FRMD4A: variants seen among roughly 807,000 people sequenced by gnomAD.
FRMD4A encodes FERM domain-containing protein 4A.
A neutral mutation model predicts 129.1 loss-of-function variants in FRMD4A; 29 were observed. The observed-to-expected ratio is 0.22, with a 90% CI of 0.17 to 0.31. The LOEUF is 0.31. Ranked by LOEUF, FRMD4A falls within the 10% of genes least tolerant of loss-of-function variation. The pLI, the probability that FRMD4A is intolerant of heterozygous loss-of-function variation, is 1.00. For missense variants in FRMD4A, 1,272 were observed against 1,375.8 expected (o/e 0.92, Z 1.19); for synonymous variants, 634 against 571.6 (o/e 1.11, Z -1.56).
chr10:13,996,888 G>C (rs926147811), intron 2 of FRMD4A, among the ~76,000 whole-genome samples: 11 of 152,160 alleles, frequency 7.2e-5, no homozygotes, highest in African/African-American at 2.7e-4. Flanking sequence ...TTGATGGCTG[G>C]CTCCAGCCTA....
At chr10:14,001,334 T>C (rs1185442290) in intron 2 of FRMD4A, among the ~76,000 whole-genome samples, 1 of 152,170 alleles carries the variant, frequency 6.6e-6, no homozygotes, top group East Asian at 1.9e-4. Flanking sequence ...TGGTGAGGCA[T>C]GACGAGGGGA....
At chr10:13,764,113 C>T (rs1292504669) in intron 6 of FRMD4A, among the ~76,000 whole-genome samples, 4 of 151,932 alleles carry the variant, frequency 2.6e-5, no homozygotes, top group African/African-American at 9.7e-5. Context: ...TGAGTTTGGA[C>T]AGATGCATAC....
intron 2 of FRMD4A, among the ~76,000 whole-genome samples, chr10:14,301,411 TA>T (rs1846182240): frequency 6.6e-6 from 1 of 152,204 alleles, no homozygotes; most frequent in Non-Finnish European, 1.5e-5. Flanking sequence ...ACTGTCCCCT[TA>T]AACTCTCACA....
intron 1 of FRMD4A, 122 bp from the exon 2 acceptor site, chr10:14,330,305 AG>A: frequency 2.1e-6 from 1 of 471,026 alleles, no homozygotes; most frequent in South Asian, 3.2e-5. Context: ...GTGCTTAGGG[AG>A]GAAAAAAAAA....
At chr10:13,981,180 T>C (rs1491000421) in intron 2 of FRMD4A, among the ~76,000 whole-genome samples, 3 of 152,142 alleles carry the variant, frequency 2.0e-5, no homozygotes, top group Non-Finnish European at 4.4e-5. Context: ...ATGGTAGATA[T>C]GGGTTATGAT....
At chr10:13,696,742 A>G (rs1564632768) in intron 14 of FRMD4A, among the ~76,000 whole-genome samples, 1 of 151,684 alleles carries the variant, frequency 6.6e-6, no homozygotes, top group Non-Finnish European at 1.5e-5. Flanking sequence ...CTAGAGTGAG[A>G]CTGTCTAAAA....
intron 3 of FRMD4A, among the ~76,000 whole-genome samples, chr10:13,853,945 A>G (rs1179563976): frequency 6.6e-6 from 1 of 152,068 alleles, no homozygotes; most frequent in Non-Finnish European, 1.5e-5. Context: ...TAGCAGTAGA[A>G]GGTCAGGTCG....
At chr10:13,826,556 A>G (rs2130923329) in intron 3 of FRMD4A, among the ~76,000 whole-genome samples, 1 of 152,270 alleles carries the variant, frequency 6.6e-6, no homozygotes, top group South Asian at 2.1e-4. Context: ...GCCCAGAGAC[A>G]TGGCACTGGC....
chr10:13,920,288 A>G (rs902607989), intron 2 of FRMD4A, among the ~76,000 whole-genome samples: 5 of 152,178 alleles, frequency 3.3e-5, no homozygotes, highest in African/African-American at 1.2e-4. Context: ...CTACTGACTC[A>G]ATGCTATCCT....
At chr10:14,161,854 C>T (rs181409655) in intron 2 of FRMD4A, among the ~76,000 whole-genome samples, 1 of 151,972 alleles carries the variant, frequency 6.6e-6, no homozygotes, top group East Asian at 1.9e-4. Flanking sequence ...GTGATGGACC[C>T]CCTAAAAGTC....
intron 2 of FRMD4A, among the ~76,000 whole-genome samples, chr10:14,079,953 C>T (rs1339757097): frequency 1.3e-5 from 2 of 152,144 alleles, no homozygotes; most frequent in African/African-American, 2.4e-5. Flanking sequence ...GAAATCACTC[C>T]CTGTGTCCAT....
intron 2 of FRMD4A, among the ~76,000 whole-genome samples, chr10:14,299,317 A>G (rs1232284575): frequency 6.6e-6 from 1 of 152,234 alleles, no homozygotes; most frequent in Non-Finnish European, 1.5e-5. Context: ...GTTCAGCAGC[A>G]AGAACATGGC....
chr10:13,754,771 T>G (rs1418435159), intron 8 of FRMD4A, among the ~76,000 whole-genome samples: 2 of 152,176 alleles, frequency 1.3e-5, no homozygotes, highest in Non-Finnish European at 2.9e-5. Context: ...AAGTTACTGT[T>G]AAGTTACATA....
intron 4 of FRMD4A, among the ~76,000 whole-genome samples, chr10:13,798,027 C>T (rs1022656363): frequency 1.3e-5 from 2 of 152,048 alleles, no homozygotes; most frequent in African/African-American, 4.8e-5. Flanking sequence ...GCCTGTTTTT[C>T]CTCTTTCTAA....
chr10:14,098,301 G>T (rs1227396256), intron 2 of FRMD4A, among the ~76,000 whole-genome samples: 1 of 151,102 alleles, frequency 6.6e-6, no homozygotes, highest in Non-Finnish European at 1.5e-5. Flanking sequence ...GTTCTAAAAT[G>T]CAGATCATAT....
At chr10:13,809,239 C>T (rs959346338) in intron 4 of FRMD4A, among the ~76,000 whole-genome samples, 1 of 152,220 alleles carries the variant, frequency 6.6e-6, no homozygotes. Context: ...TCATCTTCCC[C>T]TTCAGCCCAG....
chr10:13,664,496 C>A (rs1541016), intron 18 of FRMD4A, among the ~76,000 whole-genome samples: 6,489 of 151,740 alleles, frequency 0.043, 459 homozygotes, highest in African/African-American at 0.15. Flanking sequence ...TTAAAAAATT[C>A]TCTTTTTAAC....
At chr10:14,318,809 G>A (rs758625473) in intron 2 of FRMD4A, among the ~76,000 whole-genome samples, 4 of 152,100 alleles carry the variant, frequency 2.6e-5, no homozygotes, top group African/African-American at 7.2e-5. Flanking sequence ...GAACCACATC[G>A]ACATGTCCTT....
At chr10:13,705,386 A>C (rs935381800) in intron 13 of FRMD4A, among the ~76,000 whole-genome samples, 6 of 152,298 alleles carry the variant, frequency 3.9e-5, no homozygotes, top group African/African-American at 1.4e-4. Flanking sequence ...GCGTGGTTAA[A>C]GGATTTGTCC....
Sources: allele counts gnomAD v4.1 joint callset (sites outside exome capture counted in the v4.1 genomes callset), GRCh38; gene constraint gnomAD v4.1.1; transcripts MANE v1.5; gene names NCBI Gene and HGNC (gene_info 2026-07-23, HGNC 2026-07-21).